Variants in PPDPFL observed in about 807,000 individuals in gnomAD.
The protein encoded by PPDPFL is pancreatic progenitor cell differentiation and proliferation factor like, also known as pancreatic progenitor cell differentiation and proliferation factor-like protein.
In PPDPFL, 12 loss-of-function variants were observed where a neutral mutation model predicts 12.6. The ratio of observed to expected loss-of-function variants is 0.95; its 90% CI spans 0.61 to 1.54. PPDPFL has a LOEUF of 1.54. Ranked by LOEUF, PPDPFL falls within the 40% of genes most tolerant of loss-of-function variation. PPDPFL has a pLI of 0.00. For missense variants in PPDPFL, 114 were observed against 96.0 expected (o/e 1.19, Z -0.78); for synonymous variants, 24 against 32.7 (o/e 0.73, Z 0.91).
chr8:49,058,919 T>C (rs1007458322), intron 1 of PPDPFL, among the ~76,000 whole-genome samples: 1 of 152,182 alleles, frequency 6.6e-6, no homozygotes, highest in Non-Finnish European at 1.5e-5. Flanking sequence ...TCTCCACCAA[T>C]TGGACTATAA....
intron 1 of PPDPFL, among the ~76,000 whole-genome samples, chr8:49,059,412 C>A (rs77342736): frequency 6.6e-6 from 1 of 152,136 alleles, no homozygotes; most frequent in South Asian, 2.1e-4. Context: ...AATACTTATA[C>A]ACATTCACCA....
At chr8:49,059,303 T>C (rs192390857) in intron 1 of PPDPFL, among the ~76,000 whole-genome samples, 3 of 152,046 alleles carry the variant, frequency 2.0e-5, no homozygotes, top group Non-Finnish European at 4.4e-5. Flanking sequence ...ACTTAAGGCC[T>C]TAAATTAAAG....
At position 49,075,309 on chromosome 8, in the gene PPDPFL, C is replaced by A. The variant is rs550656226; in HGVS notation, c.*136C>A. On this transcript the variant is annotated 3_prime_UTR_variant, in exon 5 of 5. Coordinates refer to ENST00000522267, the MANE Select transcript of PPDPFL (RefSeq NM_001256597.2). Reference sequence around the variant, plus strand: ...CCATACATGAACAGCTCCCCTTCAGCGCCCCAGCTATTCCAGGACTCTTCT... The same window carrying A: ...CCATACATGAACAGCTCCCCTTCAGAGCCCCAGCTATTCCAGGACTCTTCT... 1 of 1,561,188 alleles carries A rather than the reference C, an allele frequency of 6.4e-7. No homozygotes were observed. Among genetic ancestry groups the A allele is most frequent in the Non-Finnish European group, 8.8e-7 (1 of 1,131,818 alleles).
rs369149187 is a variant in PPDPFL at position 49,074,101 on chromosome 8, C to T, written c.98C>T (p.Ser33Phe). The change falls in exon 3 of 5, where the codon TCT becomes TTT. Residue 33 changes from serine (S) to phenylalanine (F), a missense_variant. Coordinates refer to ENST00000522267, the MANE Select transcript of PPDPFL (RefSeq NM_001256597.2). ...GTTAGTTCTTTAACTAGCTCTGATT[C>T]TGTTAACTTCATAGATGACGACAAA... ...SSVSSLTSSD[S>F]VNFIDDDKPQ... is the part of the protein sequence containing the mutation. The T allele has an allele frequency of 1.2e-6, 2 of 1,613,094 alleles. No homozygotes were observed. The highest frequency in any genetic ancestry group is 2.7e-5 in the African/African-American group (2 of 75,042).
At chr8:49,067,748 C>T (rs181362063), upstream of PPDPFL, among the ~76,000 whole-genome samples, 2 of 152,212 alleles carry the variant, frequency 1.3e-5, no homozygotes, top group Non-Finnish European at 2.9e-5. Flanking sequence ...TGAATCCTTT[C>T]TCAACCATTT....
chr8:49,060,438 C>T (rs1038392391), intron 1 of PPDPFL, among the ~76,000 whole-genome samples: 21 of 152,104 alleles, frequency 1.4e-4, no homozygotes, highest in East Asian at 3.9e-4. Flanking sequence ...CTCAGCCTCC[C>T]GAGTAGCTGG....
intron 1 of PPDPFL, among the ~76,000 whole-genome samples, chr8:49,055,117 T>G (rs1045169805): frequency 2.0e-5 from 3 of 152,156 alleles, no homozygotes; most frequent in African/African-American, 7.2e-5. Flanking sequence ...GCACTATGGT[T>G]TCTTCCTTGG....
chr8:49,075,089 A>G (rs1026301193), intron 4 of PPDPFL, 63 bp from the exon 5 acceptor site: 1 of 1,586,718 alleles, frequency 6.3e-7, no homozygotes, highest in Non-Finnish European at 8.6e-7. Context: ...ATTCATTTGA[A>G]TTATCTGGAC....
At chr8:49,056,693 A>T (rs543524649) in intron 1 of PPDPFL, among the ~76,000 whole-genome samples, 17 of 152,200 alleles carry the variant, frequency 1.1e-4, no homozygotes, top group Non-Finnish European at 2.1e-4. Flanking sequence ...CTGCTGATAG[A>T]GCAATATCCA....
intron 2 of PPDPFL, among the ~76,000 whole-genome samples, chr8:49,073,352 G>T (rs996450846): frequency 2.6e-5 from 4 of 152,052 alleles, no homozygotes; most frequent in Admixed American, 6.5e-5. Flanking sequence ...CATATTCATG[G>T]CCAAATAGAA....
chr8:49,058,560 G>A (rs533580559), intron 1 of PPDPFL, among the ~76,000 whole-genome samples: 6 of 152,330 alleles, frequency 3.9e-5, no homozygotes, highest in African/African-American at 1.2e-4. Context: ...CAGTTTAAAT[G>A]CATTCTGAAT....
intron 1 of PPDPFL, among the ~76,000 whole-genome samples, chr8:49,065,116 G>A (rs1387352981): frequency 2.0e-5 from 3 of 152,120 alleles, no homozygotes; most frequent in African/African-American, 7.2e-5. Flanking sequence ...ACCACAGGAA[G>A]GAGGAAGTGT....
At chr8:49,055,871 A>G (rs1176766809) in intron 1 of PPDPFL, among the ~76,000 whole-genome samples, 1 of 152,092 alleles carries the variant, frequency 6.6e-6, no homozygotes, top group Non-Finnish European at 1.5e-5. Context: ...TCCCAATGCT[A>G]AAAATGGTAT....
chr8:49,075,393 GCCA>G lies in PPDPFL; in HGVS notation c.*222_*224del. On this transcript the variant is annotated 3_prime_UTR_variant, in exon 5 of 5. Transcript: ENST00000522267. ...TCATTTATGAGACAAGATCACAGCA[GCCA>G]CTGATATAAAAAAAGTTTAGGCATT... 2 of 946,994 alleles carry G rather than the reference GCCA, an allele frequency of 2.1e-6. No homozygotes were observed. Among genetic ancestry groups the G allele is most frequent in the East Asian group, 4.8e-5 (2 of 41,322 alleles). 58.7% of individuals were successfully genotyped at this position (946,994 alleles called of 1,614,324 possible). A position where few individuals can be genotyped will look rare whatever the true frequency, so the allele number is the denominator to read the frequency against.
intron 1 of PPDPFL, among the ~76,000 whole-genome samples, chr8:49,054,586 G>A (rs1375604169): frequency 6.6e-6 from 1 of 151,930 alleles, no homozygotes; most frequent in East Asian, 1.9e-4. Context: ...GTTGCTCAGG[G>A]GCTGATATTT....
upstream of PPDPFL, among the ~76,000 whole-genome samples, chr8:49,067,618 A>G (rs1442669286): frequency 2.0e-5 from 3 of 152,348 alleles, no homozygotes; most frequent in East Asian, 3.9e-4. Context: ...CAGCAATCTG[A>G]TATCTATTTA....
Position 49,075,159 on chromosome 8 carries a change from A to G in PPDPFL, c.241A>G (p.Met81Val). Residue 81 changes from methionine to valine, a missense_variant, in exon 5 of 5, where the codon ATG (methionine) becomes GTG (valine). Physicochemically the swap from Met to Val is conservative, Grantham distance 21. Coordinates refer to ENST00000522267, the MANE Select transcript of PPDPFL (RefSeq NM_001256597.2). ...IKDLSATGLQ[M>V]STL is the part of the protein sequence containing the mutation. ...ACTATAAAATCAACCCAGATTACAG[A>G]TGAGCACTTTGTAGCTGATCATCTT... 2 of 1,613,636 alleles carry G rather than the reference A, an allele frequency of 1.2e-6. No individual in the cohort carries two copies. Among genetic ancestry groups the G allele is most frequent in the African/African-American group, 1.3e-5 (1 of 75,056 alleles).
upstream of PPDPFL, among the ~76,000 whole-genome samples, chr8:49,068,121 T>C (rs983561788): frequency 4.6e-5 from 7 of 152,230 alleles, no homozygotes; most frequent in Non-Finnish European, 1.5e-5. Flanking sequence ...GCATTAGTTT[T>C]ATTACATTTT....
At chr8:49,073,693 A>T (rs1431404260) in intron 2 of PPDPFL, among the ~76,000 whole-genome samples, 1 of 152,202 alleles carries the variant, frequency 6.6e-6, no homozygotes, top group Non-Finnish European at 1.5e-5. Context: ...ACTTCTGTAG[A>T]ACTTTAAATA....
Sources: gnomAD v4.1 joint callset for allele counts (sites outside exome capture counted in the v4.1 genomes callset) on GRCh38, gnomAD v4.1.1 for gene constraint, MANE v1.5 for transcripts, NCBI Gene and HGNC (gene_info 2026-07-23, HGNC 2026-07-21) for gene names.